The following HSP90B1 variants were observed in gnomAD, a reference collection of about 807,000 sequenced individuals.
The protein encoded by HSP90B1 is endoplasmin.
A neutral mutation model predicts 100.4 loss-of-function variants in HSP90B1; 27 were observed. The ratio of observed to expected loss-of-function variants is 0.27; its 90% CI spans 0.20 to 0.37. The LOEUF (loss-of-function observed/expected upper bound fraction) is 0.37. Ranked by LOEUF, HSP90B1 falls within the 10% of genes least tolerant of loss-of-function variation. The probability of loss-of-function intolerance (pLI) is 1.00; values close to 1 mark genes in which losing one functional copy is unlikely to be tolerated. For synonymous variants in HSP90B1, 304 were observed against 330.8 expected, an observed-to-expected ratio of 0.92 and a Z score of 0.88; for missense variants, 678 against 960.5, an observed-to-expected ratio of 0.71 and a Z score of 3.89.
Position 103,943,763 on chromosome 12 carries a change from G to A in HSP90B1, c.1916G>A (p.Arg639His), listed in dbSNP as rs1021322098. Reference sequence around the variant, plus strand: ...ATTGAAAAGGCTGTGGTGTCTCAGCGCCTGACAGAATCTCCGTGTGCTTTG... The same window carrying A: ...ATTGAAAAGGCTGTGGTGTCTCAGCACCTGACAGAATCTCCGTGTGCTTTG... ...DKIEKAVVSQ[R>H]LTESPCALVA... The change falls in exon 14 of 18, where the codon CGC becomes CAC. Residue 639 changes from arginine to histidine, a missense_variant. By Grantham distance (29) the Arg-to-His change is conservative. Transcript: ENST00000299767. This position sits in a 1 kb window ranked among gnomAD's most constrained non-coding sequence, Gnocchi z 5.3. 13 of 1,613,932 alleles carry A rather than the reference G, an allele frequency of 8.1e-6. No individual in the cohort carries two copies. Among genetic ancestry groups the A allele is most frequent in the South Asian group, 4.4e-5 (4 of 91,064 alleles).
At position 103,938,424 on chromosome 12, in the gene HSP90B1, G is replaced by C; in HGVS notation, c.940G>C (p.Glu314Gln). 1 of 1,562,190 alleles carries C rather than the reference G, an allele frequency of 6.4e-7. No homozygotes were observed. Among genetic ancestry groups the C allele is most frequent in the East Asian group, 2.3e-5 (1 of 43,852 alleles). The change falls in exon 7 of 18, where the codon GAA becomes CAA. Residue 314 changes from glutamate to glutamine, a missense_variant. By Grantham distance (29) the Glu-to-Gln change is conservative. Around this residue, in one of 8 missense-constraint regions of HSP90B1, gnomAD observed 238 missense variants for 346.7 expected, o/e 0.69. Coordinates refer to ENST00000299767, the MANE Select transcript of HSP90B1 (RefSeq NM_003299.3). Reference protein sequence around the residue: ...EESDDEAAVEEEEEEKKPKTK... With the variant: ...EESDDEAAVEQEEEEKKPKTK... Reference sequence around the variant, plus strand: ...ATCTGATGATGAAGCTGCAGTAGAGGAAGAAGAAGAAGAAAAGAAACCAAA... The same window carrying C: ...ATCTGATGATGAAGCTGCAGTAGAGCAAGAAGAAGAAGAAAAGAAACCAAA...
At chr12:103,944,152 A>T (rs1037102792) in intron 14 of HSP90B1, among the ~76,000 whole-genome samples, 1 of 152,218 alleles carries the variant, frequency 6.6e-6, no homozygotes, top group Non-Finnish European at 1.5e-5. Flanking sequence ...ATTGGATTAT[A>T]TGCTTAGCCT....
intron 14 of HSP90B1, among the ~76,000 whole-genome samples, chr12:103,946,331 G>A (rs67703341): frequency 0.085 from 12,927 of 152,172 alleles, 731 homozygotes; most frequent in East Asian, 0.21. Flanking sequence ...TGTGGAACCC[G>A]TGTATATGAA....
At chr12:103,931,907 A>G (rs1869775939) in intron 2 of HSP90B1, 2 of 453,406 alleles carry the variant, frequency 4.4e-6, no homozygotes, top group Non-Finnish European at 8.1e-6. Flanking sequence ...AACTGTGTAC[A>G]CCGAGTAAGT....
In HSP90B1 at chr12:103,932,955, C is replaced by A. The variant is rs1869809685; in HGVS notation, c.411+13C>A. Reference sequence around the variant, plus strand: ...AGTCAAAATTAAGGTAAGTGTAAGGCAGTTTTTCTTTCTTTTAAAGGAAAA... The same window carrying A: ...AGTCAAAATTAAGGTAAGTGTAAGGAAGTTTTTCTTTCTTTTAAAGGAAAA... On this transcript the variant is annotated intron_variant, in intron 4 of 17. Transcript: ENST00000299767. 5 of 1,287,728 alleles carry A rather than the reference C, an allele frequency of 3.9e-6. No homozygotes were observed. Among genetic ancestry groups the A allele is most frequent in the Non-Finnish European group, 5.7e-6 (5 of 884,058 alleles). The allele number at this position is 1,287,728 out of a possible 1,614,324, so 79.8% of individuals were successfully genotyped here.
chr12:103,931,947 A>G (rs10778306), intron 2 of HSP90B1: 119,437 of 443,602 alleles, frequency 0.27, 16,763 homozygotes, highest in East Asian at 0.32. Context: ...CAGTTGAACA[A>G]TATTTTAAAA....
Position 103,938,213 on chromosome 12 carries a change from T to C in HSP90B1, c.856-127T>C, listed in dbSNP as rs1419291830. 14 of 754,092 alleles carry C rather than the reference T, an allele frequency of 1.9e-5. No homozygotes were observed. In the Admixed American group the frequency reaches 4.0e-4, roughly 21 times the overall value. 46.7% of individuals were successfully genotyped at this position (754,092 alleles called of 1,614,324 possible). ...ATGAAGGCAAAATGTGGTCTATTAGTTAAGGATACTCTCAGGGTTTTCTTA... is the reference window on the plus strand; with the variant it reads ...ATGAAGGCAAAATGTGGTCTATTAGCTAAGGATACTCTCAGGGTTTTCTTA... On this transcript the variant is annotated intron_variant, in intron 6 of 17. Coordinates refer to ENST00000299767, the MANE Select transcript of HSP90B1 (RefSeq NM_003299.3).
Position 103,943,520 on chromosome 12 carries a change from T to G in HSP90B1, c.1890+201T>G. The G allele has an allele frequency of 4.2e-6, 3 of 706,818 alleles. No homozygotes were observed. The highest frequency in any genetic ancestry group is 6.8e-6 in the Non-Finnish European group (3 of 442,290). The allele number at this position is 706,818 out of a possible 1,614,324, so 43.8% of individuals were successfully genotyped here. The stretch of plus-strand genomic sequence containing the variant: ...TAATAACTTGTTACAAATTAAATTT[T>G]ATGTTTTTAAAAGGTGGTATTTAAA... On this transcript the variant is annotated intron_variant, in intron 13 of 17. Coordinates refer to ENST00000299767, the MANE Select transcript of HSP90B1 (RefSeq NM_003299.3). This position sits in a 1 kb window ranked among gnomAD's most constrained non-coding sequence, Gnocchi z 5.3.
rs186378799 is a variant in HSP90B1 at position 103,935,803 on chromosome 12, G to T, written c.743+1516G>T. 3.9e-5 allele frequency among the ~76,000 whole-genome samples: 6 copies of T among 152,324 alleles called. No individual in the cohort carries two copies. The East Asian group carries it at 1.2e-3, about 29-fold the overall frequency. On this transcript the variant is annotated intron_variant, in intron 5 of 17. Coordinates refer to ENST00000299767, the MANE Select transcript of HSP90B1 (RefSeq NM_003299.3). ...AAAGATAGAAAGTGATGTCCCAAGA[G>T]ATGTTAATGTCAGGTTGCTAAGAAG...
chr12:103,937,671 C>G (rs777728217), intron 5 of HSP90B1, 24 bp from the exon 6 acceptor site: 3 of 1,206,120 alleles, frequency 2.5e-6, no homozygotes, highest in Non-Finnish European at 2.5e-6. Context: ...TTAGGTGTCT[C>G]TAAACATCGA....
chr12:103,946,777 G>A lies in HSP90B1; in HGVS notation c.2107-9G>A. The A allele has an allele frequency of 6.2e-7, 1 of 1,613,748 alleles. No homozygotes were observed. The highest frequency in any genetic ancestry group is 8.5e-7 in the Non-Finnish European group (1 of 1,179,896). On this transcript the variant is annotated splice_polypyrimidine_tract_variant and intron_variant, in intron 15 of 17. Coordinates refer to ENST00000299767, the MANE Select transcript of HSP90B1 (RefSeq NM_003299.3). ...TAATATTAATCTAGTGCATCTTCTT[G>A]CATTTCAGGAAGATGAAGATGATAA...
chr12:103,941,364 T>G, intron 8 of HSP90B1, 46 bp from the exon 9 acceptor site: 1 of 1,596,098 alleles, frequency 6.3e-7, no homozygotes, highest in Non-Finnish European at 8.6e-7. Context: ...CTTGCACTGC[T>G]TTTCTCCTGT....
At position 103,930,458 on chromosome 12, in the gene HSP90B1, G is replaced by T. The variant is rs774008194; in HGVS notation, c.-58G>T. 76 of 1,159,580 alleles carry T rather than the reference G, an allele frequency of 6.6e-5. No individual in the cohort carries two copies. In the Admixed American group the frequency reaches 1.1e-3, roughly 17 times the overall value. The allele number at this position is 1,159,580 out of a possible 1,614,324, so 71.8% of individuals were successfully genotyped here. ...GGTGTGAGGATCCGAACCCAGGGGT[G>T]GGGGGTGGAGGCGGCTCCTGCGATC... On this transcript the variant is annotated 5_prime_UTR_variant, in exon 1 of 18. Coordinates refer to ENST00000299767, the MANE Select transcript of HSP90B1 (RefSeq NM_003299.3). This position sits in a 1 kb window ranked among gnomAD's most constrained non-coding sequence, Gnocchi z 4.4.
chr12:103,938,044 G>A (rs1486998443), intron 6 of HSP90B1, among the ~76,000 whole-genome samples: 1 of 151,940 alleles, frequency 6.6e-6, no homozygotes, highest in Admixed American at 6.6e-5. Flanking sequence ...GGTAGCACAC[G>A]CCTGTAATCC....
chr12:103,932,468 G>C (rs376239455), intron 3 of HSP90B1, 50 bp downstream of exon 3: 1 of 1,514,194 alleles, frequency 6.6e-7, no homozygotes, highest in African/African-American at 1.4e-5. Flanking sequence ...TGGCATACTT[G>C]TTTACTTAAA....
chr12:103,930,745 AAAAG>A lies in HSP90B1; in HGVS notation c.49+183_49+186del, dbSNP rs2136211544. On this transcript the variant is annotated intron_variant, in intron 1 of 17. Transcript: ENST00000299767. This position sits in a 1 kb window ranked among gnomAD's most constrained non-coding sequence, Gnocchi z 4.4. The stretch of plus-strand genomic sequence containing the variant: ...ATTCTCTTCTTCCTCTGGAAATAAA[AAAAG>A]AGAGCAACATCATCTAACTGCCCTA... Among the ~76,000 whole-genome samples the A allele has an allele frequency of 6.8e-6, 1 of 146,590 alleles. No homozygotes were observed. Among genetic ancestry groups the A allele is most frequent in the African/African-American group, 2.5e-5 (1 of 39,484 alleles).
Position 103,943,089 on chromosome 12 carries a change from T to C in HSP90B1, c.1660T>C (p.Phe554Leu). 4 of 1,614,046 alleles carry C rather than the reference T, an allele frequency of 2.5e-6. No homozygotes were observed. The highest frequency in any genetic ancestry group is 3.4e-6 in the Non-Finnish European group (4 of 1,179,964). Residue 554 changes from phenylalanine to leucine, a missense_variant, in exon 13 of 18, where the codon TTT (phenylalanine) becomes CTT (leucine). Phe to Leu is a conservative substitution (Grantham distance 22). This residue lies in a region of HSP90B1 where 170 missense variants were observed against 236.7 expected (regional missense o/e 0.72). Coordinates refer to ENST00000299767, the MANE Select transcript of HSP90B1 (RefSeq NM_003299.3). This position sits in a 1 kb window ranked among gnomAD's most constrained non-coding sequence, Gnocchi z 5.3. ...SSRKEAESSP[F>L]VERLLKKGYE... is the part of the protein sequence containing the mutation. Reference sequence around the variant, plus strand: ...AATTTTGTAGGCTGAATCTTCTCCATTTGTTGAGCGACTTCTGAAAAAGGG... The same window carrying C: ...AATTTTGTAGGCTGAATCTTCTCCACTTGTTGAGCGACTTCTGAAAAAGGG...
intron 5 of HSP90B1, among the ~76,000 whole-genome samples, chr12:103,936,456 A>G (rs924335600): frequency 6.6e-6 from 1 of 151,998 alleles, no homozygotes; most frequent in Non-Finnish European, 1.5e-5. Context: ...AGCCTGGACA[A>G]CATAATGGGA....
intron 11 of HSP90B1, 126 bp from the exon 12 acceptor site, chr12:103,942,401 C>A: frequency 1.2e-6 from 1 of 827,100 alleles, no homozygotes; most frequent in Non-Finnish European, 1.9e-6. Flanking sequence ...TTCACCATTT[C>A]CTGCCCCTCA....
Sources: allele counts gnomAD v4.1 joint callset (sites outside exome capture counted in the v4.1 genomes callset), GRCh38; gene constraint gnomAD v4.1.1; regional missense constraint gnomAD v4.1.1; non-coding constraint Gnocchi (gnomAD v3.1); transcripts MANE v1.5; gene names NCBI Gene and HGNC (gene_info 2026-07-23, HGNC 2026-07-21).